SVOPL: variants seen among roughly 807,000 people sequenced by gnomAD.
The protein encoded by SVOPL is putative transporter SVOPL.
Under a neutral mutation model 61.0 loss-of-function variants are expected in SVOPL, and 60 were observed. That is an observed-to-expected ratio of 0.98 (90% CI 0.80 to 1.22). The LOEUF (loss-of-function observed/expected upper bound fraction) is 1.22. Among genes scored for constraint, SVOPL ranks in the 50% most tolerant of loss-of-function variants. SVOPL has a pLI of 0.00. For missense variants in SVOPL, 662 were observed against 643.9 expected, an observed-to-expected ratio of 1.03 and a Z score of -0.30; for synonymous variants, 279 against 250.0, an observed-to-expected ratio of 1.12 and a Z score of -1.09.
intron 14 of SVOPL, among the ~76,000 whole-genome samples, chr7:138,617,465 C>A (rs1167692066): frequency 6.6e-6 from 1 of 152,216 alleles, no homozygotes; most frequent in Non-Finnish European, 1.5e-5. Flanking sequence ...AGGAAGAACT[C>A]ATCTCCCAGT....
At chr7:138,617,126 G>C (rs1427723255) in intron 14 of SVOPL, among the ~76,000 whole-genome samples, 1 of 151,966 alleles carries the variant, frequency 6.6e-6, no homozygotes, top group African/African-American at 2.4e-5. Context: ...CCTCCACCAC[G>C]CCTGGCCTAA....
At chr7:138,658,293 CT>C (rs1320731385) in intron 6 of SVOPL, among the ~76,000 whole-genome samples, 11 of 152,230 alleles carry the variant, frequency 7.2e-5, no homozygotes, top group African/African-American at 2.4e-4. Context: ...ATTCCCCCCC[CT>C]CCCTTTTACA....
Position 138,700,560 on chromosome 7 carries a change from T to C in SVOPL, c.-35+618A>G, listed in dbSNP as rs1227380707. On this transcript the variant is annotated intron_variant, in intron 1 of 15. Transcript: ENST00000674285. ...TTCACCATCTTGGTCAGGCTGGTCTTGAACTCCTGACCTTGTGATCCACCC... is the reference window on the plus strand; with the variant it reads ...TTCACCATCTTGGTCAGGCTGGTCTCGAACTCCTGACCTTGTGATCCACCC... 3.3e-5 allele frequency among the ~76,000 whole-genome samples: 5 copies of C among 152,064 alleles called. No homozygotes were observed. In the South Asian group the frequency reaches 1.0e-3, roughly 32 times the overall value.
intron 14 of SVOPL, among the ~76,000 whole-genome samples, chr7:138,609,489 CAAA>C (rs35516590): frequency 2.1e-5 from 1 of 48,326 alleles, no homozygotes. Context: ...ACCACCTCTA[CAAA>C]AAAAAAAAAA....
In SVOPL at chr7:138,601,490, CTAA is replaced by C. The variant is rs574830319; in HGVS notation, c.1354-4963_1354-4961del. 1.1e-4 allele frequency among the ~76,000 whole-genome samples: 16 copies of C among 151,614 alleles called. No individual in the cohort carries two copies. The East Asian group carries it at 2.5e-3, about 24-fold the overall frequency. ...AGCCTAGAGGACATTATGCTAAAAA[CTAA>C]TAATAAGAAGCCAGGCACAAAAAGA... On this transcript the variant is annotated intron_variant, in intron 14 of 15. Transcript: ENST00000674285.
At chr7:138,682,404 C>A (rs929626052) in intron 1 of SVOPL, among the ~76,000 whole-genome samples, 9 of 152,092 alleles carry the variant, frequency 5.9e-5, no homozygotes, top group Non-Finnish European at 1.2e-4. Flanking sequence ...AGAAATGGAA[C>A]CTGAATCGAA....
chr7:138,627,749 T>C (rs1432004410), intron 11 of SVOPL, among the ~76,000 whole-genome samples: 3 of 152,192 alleles, frequency 2.0e-5, no homozygotes, highest in Non-Finnish European at 2.9e-5. Flanking sequence ...AAGTGTTTTA[T>C]ATGTTTTCAT....
chr7:138,664,188 C>T, intron 4 of SVOPL: 3 of 943,478 alleles, frequency 3.2e-6, no homozygotes, highest in Non-Finnish European at 3.8e-6. Context: ...CTACCCTGCC[C>T]TCCCCCTCCC....
chr7:138,663,386 C>T, intron 4 of SVOPL: 4 of 1,384,152 alleles, frequency 2.9e-6, no homozygotes, highest in Non-Finnish European at 3.7e-6. Flanking sequence ...GGTCCTCTGC[C>T]GCCCGCTTGT....
intron 13 of SVOPL, among the ~76,000 whole-genome samples, chr7:138,622,254 G>GTATCTATCTATCTATCTGTC (rs1380131790): frequency 5.7e-5 from 3 of 52,890 alleles, no homozygotes; most frequent in Admixed American, 2.0e-4. Context: ...ATCTATCTAT[G>GTATCTATCTATCTATCTGTC]TATCTATCTA....
chr7:138,684,825 C>T (rs1012135459), intron 1 of SVOPL, among the ~76,000 whole-genome samples: 2 of 152,132 alleles, frequency 1.3e-5, no homozygotes, highest in Non-Finnish European at 2.9e-5. Flanking sequence ...ATGTTCACTA[C>T]AGCATTATTC....
intron 4 of SVOPL, 60 bp from the exon 5 acceptor site, chr7:138,663,205 C>G (rs566896811): frequency 6.3e-7 from 1 of 1,576,836 alleles, no homozygotes; most frequent in African/African-American, 1.3e-5. Flanking sequence ...TACTTTACCC[C>G]GTTAGCCATT....
chr7:138,595,630 C>T (rs1802279253), intron 15 of SVOPL, among the ~76,000 whole-genome samples: 1 of 152,166 alleles, frequency 6.6e-6, no homozygotes, highest in South Asian at 2.1e-4. Flanking sequence ...ATTCTAGCCT[C>T]ACTACAATAT....
intron 14 of SVOPL, among the ~76,000 whole-genome samples, chr7:138,612,481 C>T (rs1584780749): frequency 1.5e-5 from 2 of 132,092 alleles, no homozygotes; most frequent in Admixed American, 7.6e-5. Flanking sequence ...AAGACTTTAT[C>T]TTTCATCCTT....
intron 14 of SVOPL, among the ~76,000 whole-genome samples, chr7:138,615,423 G>A (rs1198312695): frequency 6.6e-6 from 1 of 152,024 alleles, no homozygotes; most frequent in Non-Finnish European, 1.5e-5. Flanking sequence ...CGGGCGTGGT[G>A]GCGGGCGCCT....
At chr7:138,660,153 C>T (rs140064962) in intron 5 of SVOPL, 165 bp from the exon 6 acceptor site, 2 of 1,412,516 alleles carry the variant, frequency 1.4e-6, no homozygotes, top group Admixed American at 2.8e-5. Flanking sequence ...ACAATACAAT[C>T]CATGCCATTC....
chr7:138,642,848 A>AAAAAAAAAAAAAAAGAAG (rs1437306629), intron 9 of SVOPL, among the ~76,000 whole-genome samples: 12 of 35,446 alleles, frequency 3.4e-4, no homozygotes, highest in South Asian at 8.6e-4. Context: ...AAAAAAAAAA[A>AAAAAAAAAAAAAAAGAAG]AAGAAGAAAC....
At chr7:138,615,931 T>A (rs984232605) in intron 14 of SVOPL, among the ~76,000 whole-genome samples, 1 of 151,332 alleles carries the variant, frequency 6.6e-6, no homozygotes. Flanking sequence ...AAGGTAGCTG[T>A]CTCCAAGCCG....
At chr7:138,597,614 C>T (rs1205589888) in intron 14 of SVOPL, among the ~76,000 whole-genome samples, 1 of 150,192 alleles carries the variant, frequency 6.7e-6, no homozygotes, top group African/African-American at 2.4e-5. Flanking sequence ...TACAATTTTC[C>T]CCAAACAGGA....
Sources: allele counts gnomAD v4.1 joint callset (sites outside exome capture counted in the v4.1 genomes callset), GRCh38; gene constraint gnomAD v4.1.1; transcripts MANE v1.5; gene names NCBI Gene and HGNC (gene_info 2026-07-23, HGNC 2026-07-21).